Variants in PLXDC2 observed in about 807,000 individuals in gnomAD.
PLXDC2 encodes plexin domain containing 2.
PLXDC2 carries 40 observed loss-of-function variants against 68.9 expected under a neutral mutation model. The ratio of observed to expected loss-of-function variants is 0.58; its 90% CI spans 0.45 to 0.76. PLXDC2 has a LOEUF of 0.76. Ranked by LOEUF, PLXDC2 falls within the 30% of genes least tolerant of loss-of-function variation. PLXDC2 has a pLI of 0.00. For synonymous variants in PLXDC2, 243 were observed against 234.2 expected, an observed-to-expected ratio of 1.04 and a Z score of -0.34; for missense variants, 644 against 661.9, an observed-to-expected ratio of 0.97 and a Z score of 0.30.
At chr10:20,277,695 A>C (rs1239071650) in intron 13 of PLXDC2, among the ~76,000 whole-genome samples, 1 of 152,220 alleles carries the variant, frequency 6.6e-6, no homozygotes, top group African/African-American at 2.4e-5. Context: ...TGAAGGGATT[A>C]TAAAAGAATA....
chr10:19,898,441 T>A (rs1018728838), intron 1 of PLXDC2, among the ~76,000 whole-genome samples: 5 of 152,204 alleles, frequency 3.3e-5, no homozygotes, highest in Non-Finnish European at 7.3e-5. Context: ...CAGGTCTTAT[T>A]GTACACATAT....
intron 1 of PLXDC2, among the ~76,000 whole-genome samples, chr10:19,895,030 A>G (rs1448718686): frequency 6.6e-6 from 1 of 152,232 alleles, no homozygotes; most frequent in African/African-American, 2.4e-5. Flanking sequence ...ACCAACCCAA[A>G]TGCCCATCAA....
At chr10:20,249,966 G>A (rs1042908661) in intron 13 of PLXDC2, among the ~76,000 whole-genome samples, 5 of 152,034 alleles carry the variant, frequency 3.3e-5, no homozygotes, top group African/African-American at 9.7e-5. Context: ...TATATAATAT[G>A]GTGAAATTGA....
chr10:19,923,239 C>G (rs572660387), intron 1 of PLXDC2, among the ~76,000 whole-genome samples: 1 of 152,200 alleles, frequency 6.6e-6, no homozygotes, highest in East Asian at 1.9e-4. Context: ...CAATCCACCC[C>G]AAAATATCAT....
intron 4 of PLXDC2, among the ~76,000 whole-genome samples, chr10:20,114,919 A>G (rs1356583316): frequency 6.6e-6 from 1 of 152,220 alleles, no homozygotes; most frequent in African/African-American, 2.4e-5. Context: ...TGACTTATGT[A>G]TTGTGCCAAG....
chr10:19,986,477 T>C (rs1834641313), intron 1 of PLXDC2, among the ~76,000 whole-genome samples: 1 of 150,358 alleles, frequency 6.7e-6, no homozygotes, highest in South Asian at 2.1e-4. Flanking sequence ...GATTGATAAA[T>C]GGGAATGGAA....
rs145347062 is a variant in PLXDC2 at position 20,284,845 on chromosome 10, T to C, written c.*5026T>C. 60 of 152,308 alleles carry C rather than the reference T, an allele frequency of 3.9e-4. No individual in the cohort carries two copies. Among genetic ancestry groups the C allele is most frequent in the African/African-American group, 1.4e-3 (59 of 41,574 alleles). The allele number at this position is 152,308 out of a possible 1,614,324, so 9.4% of individuals were successfully genotyped here. On this transcript the variant is annotated 3_prime_UTR_variant, in exon 14 of 14. Transcript: ENST00000377252. ...ATTGACAATCTGCTCTGTTCTGTAA[T>C]ATAGAACATTGGATCAATCTTTATC...
intron 1 of PLXDC2, among the ~76,000 whole-genome samples, chr10:19,893,713 G>A (rs957282683): frequency 1.3e-5 from 2 of 152,214 alleles, no homozygotes; most frequent in African/African-American, 4.8e-5. Context: ...GGAGGCAGAA[G>A]TTATTGTAAG....
chr10:20,199,182 C>CT (rs1216331122), intron 9 of PLXDC2, among the ~76,000 whole-genome samples: 1 of 151,942 alleles, frequency 6.6e-6, no homozygotes, highest in Non-Finnish European at 1.5e-5. Context: ...CTGAAGATCA[C>CT]TTGGTCATCT....
intron 1 of PLXDC2, among the ~76,000 whole-genome samples, chr10:19,832,609 G>C (rs1836716044): frequency 6.6e-6 from 1 of 152,200 alleles, no homozygotes; most frequent in African/African-American, 2.4e-5. Context: ...GGTAACTTCA[G>C]TTGGAAGATG....
chr10:20,033,418 G>T (rs1265197792), intron 2 of PLXDC2, among the ~76,000 whole-genome samples: 1 of 152,020 alleles, frequency 6.6e-6, no homozygotes, highest in Non-Finnish European at 1.5e-5. Flanking sequence ...CTTCATTTTG[G>T]CATTCCAAGT....
intron 13 of PLXDC2, among the ~76,000 whole-genome samples, chr10:20,273,923 C>G (rs1254889668): frequency 1.3e-5 from 2 of 151,922 alleles, no homozygotes; most frequent in African/African-American, 4.8e-5. Flanking sequence ...CCTGTCGTCC[C>G]AGCTACTTAG....
chr10:20,190,293 G>T (rs1834746850), intron 9 of PLXDC2, among the ~76,000 whole-genome samples: 1 of 151,792 alleles, frequency 6.6e-6, no homozygotes, highest in Non-Finnish European at 1.5e-5. Context: ...CCTTTAGCTT[G>T]CTTGCACTAA....
At chr10:20,146,429 C>A (rs1353912557) in intron 5 of PLXDC2, among the ~76,000 whole-genome samples, 1 of 146,230 alleles carries the variant, frequency 6.8e-6, no homozygotes, top group Non-Finnish European at 1.5e-5. Context: ...TTCTTTCTTT[C>A]TTTTTCTTTC....
chr10:20,255,196 GATA>G (rs1835727754), intron 13 of PLXDC2, among the ~76,000 whole-genome samples: 1 of 107,226 alleles, frequency 9.3e-6, no homozygotes, highest in East Asian at 3.4e-4. Flanking sequence ...TGGATGGATA[GATA>G]GATAGATAGA....
intron 3 of PLXDC2, among the ~76,000 whole-genome samples, chr10:20,055,288 A>G (rs1835977562): frequency 6.6e-6 from 1 of 152,178 alleles, no homozygotes; most frequent in African/African-American, 2.4e-5. Flanking sequence ...TCAGGAAAAT[A>G]ACTCATTGCT....
At chr10:19,921,682 A>G (rs1163331409) in intron 1 of PLXDC2, among the ~76,000 whole-genome samples, 5 of 152,188 alleles carry the variant, frequency 3.3e-5, no homozygotes, top group East Asian at 1.9e-4. Context: ...TCATGGAGCC[A>G]GTGAGGCTAC....
At chr10:20,111,326 A>C (rs897277786) in intron 4 of PLXDC2, among the ~76,000 whole-genome samples, 2 of 152,112 alleles carry the variant, frequency 1.3e-5, no homozygotes, top group African/African-American at 4.8e-5. Flanking sequence ...TGATTCAATG[A>C]CTCTATTTAC....
chr10:20,021,742 C>T (rs1835313399), intron 2 of PLXDC2, among the ~76,000 whole-genome samples: 1 of 151,566 alleles, frequency 6.6e-6, no homozygotes, highest in African/African-American at 2.4e-5. Flanking sequence ...CTCTGTTGCC[C>T]AGGCTGGAGT....
Sources: allele counts gnomAD v4.1 joint callset (sites outside exome capture counted in the v4.1 genomes callset), GRCh38; gene constraint gnomAD v4.1.1; transcripts MANE v1.5; gene names NCBI Gene and HGNC (gene_info 2026-07-23, HGNC 2026-07-21).